Variants in TJP1 observed in about 807,000 individuals in gnomAD.
TJP1 encodes tight junction protein 1.
TJP1 carries 43 observed loss-of-function variants against 194.2 expected under a neutral mutation model. That is an observed-to-expected ratio of 0.22 (90% CI 0.17 to 0.29). The LOEUF (loss-of-function observed/expected upper bound fraction) is 0.29. TJP1 is among the 10% of genes least tolerant of loss of function. The pLI is 1.00. For missense variants in TJP1, 1,971 were observed against 2,185.7 expected (o/e 0.90, Z 1.96); for synonymous variants, 801 against 779.0 (o/e 1.03, Z -0.47).
chr15:29,836,279 T>G (rs2051025805), intron 2 of TJP1, among the ~76,000 whole-genome samples: 1 of 151,918 alleles, frequency 6.6e-6, no homozygotes. Flanking sequence ...ATCAACTTTT[T>G]TTTTTTTTTT....
At chr15:29,948,031 C>A (rs1159611858) in intron 2 of TJP1, among the ~76,000 whole-genome samples, 1 of 152,112 alleles carries the variant, frequency 6.6e-6, no homozygotes, top group Non-Finnish European at 1.5e-5. Context: ...CTTTGGGAGG[C>A]CAAGGTGGGC....
At position 29,766,302 on chromosome 15, in the gene TJP1, T is replaced by A. The variant is rs750085539; in HGVS notation, c.553A>T (p.Thr185Ser). Residue 185 changes from threonine to serine, a missense_variant, in exon 5 of 28, where the codon ACT becomes TCT. Coordinates refer to ENST00000614355, the MANE Select transcript of TJP1 (RefSeq NM_001330239.4). ...SVASSQPAKPTKVTLVKSRKN... is the reference protein window; with the variant it reads ...SVASSQPAKPSKVTLVKSRKN... ...CGGGATTTCACCAGTGTGACTTTAG[T>A]AGGTTTAGCAGGCTGGCTGGAAGCC... 1.2e-6 allele frequency: 2 copies of A among 1,613,988 alleles called. No homozygotes were observed. The highest frequency in any genetic ancestry group is 1.7e-6 in the Non-Finnish European group (2 of 1,179,966).
At chr15:29,703,568 C>T (rs2041694597) in intron 27 of TJP1, among the ~76,000 whole-genome samples, 1 of 152,118 alleles carries the variant, frequency 6.6e-6, no homozygotes, top group African/African-American at 2.4e-5. Context: ...ACAATATCTC[C>T]CACTGCATCC....
chr15:29,748,650 G>T lies in TJP1; in HGVS notation c.1011-5869C>A, dbSNP rs1283495708. ...TGCAGTGGCACAATCATACTTCACT[G>T]CAGCCTCAACCTCCCAGGCTCAAGC... On this transcript the variant is annotated intron_variant, in intron 8 of 27. Coordinates refer to ENST00000614355, the MANE Select transcript of TJP1 (RefSeq NM_001330239.4). Among the ~76,000 whole-genome samples the T allele has an allele frequency of 7.4e-5, 10 of 135,934 alleles. No individual in the cohort carries two copies. In the Admixed American group the frequency reaches 8.5e-4, roughly 12 times the overall value. 89.2% of individuals were successfully genotyped at this position (135,934 alleles called of 152,430 possible).
intron 2 of TJP1, among the ~76,000 whole-genome samples, chr15:29,870,285 G>T (rs1208427842): frequency 6.6e-6 from 1 of 152,116 alleles, no homozygotes; most frequent in Non-Finnish European, 1.5e-5. Context: ...AGACAGGATG[G>T]AATCATAGGT....
intron 2 of TJP1, among the ~76,000 whole-genome samples, chr15:29,860,303 G>T (rs967772423): frequency 6.6e-6 from 1 of 152,102 alleles, no homozygotes; most frequent in African/African-American, 2.4e-5. Context: ...TGGTTCCAGG[G>T]AGCAGAAAGT....
At chr15:29,748,665 C>G (rs1481820382) in intron 8 of TJP1, among the ~76,000 whole-genome samples, 1 of 147,986 alleles carries the variant, frequency 6.8e-6, no homozygotes, top group Non-Finnish European at 1.5e-5. Flanking sequence ...CTCAACCTCC[C>G]AGGCTCAAGC....
intron 18 of TJP1, among the ~76,000 whole-genome samples, chr15:29,721,757 G>A (rs2042942204): frequency 6.6e-6 from 1 of 152,194 alleles, no homozygotes; most frequent in Non-Finnish European, 1.5e-5. Context: ...AATGCTAATA[G>A]TGATATGGAC....
At chr15:29,751,877 A>G (rs1394561753) in intron 8 of TJP1, among the ~76,000 whole-genome samples, 1 of 152,222 alleles carries the variant, frequency 6.6e-6, no homozygotes, top group Admixed American at 6.5e-5. Context: ...AGAAGAAAAC[A>G]AATCTCAGCT....
At chr15:29,903,052 T>C (rs1296585845) in intron 2 of TJP1, among the ~76,000 whole-genome samples, 1 of 151,918 alleles carries the variant, frequency 6.6e-6, no homozygotes, top group East Asian at 1.9e-4. Flanking sequence ...AAGCCCAGCC[T>C]CTATAAACAA....
intron 26 of TJP1, 148 bp from the exon 27 acceptor site, chr15:29,704,453 A>G: frequency 2.4e-6 from 2 of 849,416 alleles, no homozygotes; most frequent in Non-Finnish European, 3.3e-6. Flanking sequence ...AAAACGTAAC[A>G]GCAGCCACAT....
At chr15:29,832,272 T>G (rs2050860784) in intron 2 of TJP1, among the ~76,000 whole-genome samples, 1 of 152,042 alleles carries the variant, frequency 6.6e-6, no homozygotes, top group Non-Finnish European at 1.5e-5. Context: ...GGAGAGGTCA[T>G]GTGGAAAAGA....
intron 2 of TJP1, among the ~76,000 whole-genome samples, chr15:29,794,482 T>C (rs1036753481): frequency 6.6e-6 from 1 of 152,182 alleles, no homozygotes; most frequent in Non-Finnish European, 1.5e-5. Flanking sequence ...CAGACTTGCC[T>C]GAGCCATTAC....
At position 29,822,444 on chromosome 15, in the gene TJP1, C is replaced by G; in HGVS notation, c.-416G>C. The G allele has an allele frequency of 1.0e-6, 1 of 987,086 alleles. No homozygotes were observed. The highest frequency in any genetic ancestry group is 1.2e-6 in the Non-Finnish European group (1 of 831,198). 61.1% of individuals were successfully genotyped at this position (987,086 alleles called of 1,614,324 possible). ...AGGAACGCGGCGTCCGCTGGCTCAG[C>G]CGGCGCCGGCAACTCAGCGGCCACG... is the stretch of plus-strand genomic sequence containing the variant. On this transcript the variant is annotated 5_prime_UTR_variant, in exon 1 of 28. Coordinates refer to ENST00000614355, the MANE Select transcript of TJP1 (RefSeq NM_001330239.4).
intron 18 of TJP1, 90 bp from the exon 19 acceptor site, chr15:29,720,798 T>A: frequency 2.8e-6 from 3 of 1,066,970 alleles, no homozygotes; most frequent in Non-Finnish European, 4.0e-6. Context: ...AAAGGATATC[T>A]TTCTCTGGAG....
chr15:29,916,134 A>G lies in TJP1; in HGVS notation c.306+40098T>C, dbSNP rs527292297. On this transcript the variant is annotated intron_variant, in intron 2 of 28. Transcript: ENST00000356107. ...GTGGCAGGCACCTGTAATCCCAGTTACTCGGGAGGCTGAGGCAGCAAAATC... is the reference window on the plus strand; with the variant it reads ...GTGGCAGGCACCTGTAATCCCAGTTGCTCGGGAGGCTGAGGCAGCAAAATC... Among the ~76,000 whole-genome samples the G allele has an allele frequency of 5.9e-5, 9 of 151,564 alleles. No homozygotes were observed. In the South Asian group the frequency reaches 1.9e-3, roughly 32 times the overall value.
At chr15:29,803,132 T>C (rs542674399) in intron 1 of TJP1, among the ~76,000 whole-genome samples, 1 of 152,186 alleles carries the variant, frequency 6.6e-6, no homozygotes, top group African/African-American at 2.4e-5. Context: ...GTAAAGGGAC[T>C]GTGGGTGACA....
chr15:29,900,887 A>G (rs2053613769), intron 2 of TJP1, among the ~76,000 whole-genome samples: 1 of 152,154 alleles, frequency 6.6e-6, no homozygotes, highest in Non-Finnish European at 1.5e-5. Flanking sequence ...CCTTTATAGT[A>G]CAAGCTTCCC....
At chr15:29,921,991 TGCACCACCCC>T (rs1288352567) in intron 2 of TJP1, among the ~76,000 whole-genome samples, 1 of 151,968 alleles carries the variant, frequency 6.6e-6, no homozygotes, top group East Asian at 1.9e-4. Context: ...ATTACAGGCA[TGCACCACCCC>T]GCCCAGCTAA....
Sources: allele counts gnomAD v4.1 joint callset (sites outside exome capture counted in the v4.1 genomes callset), GRCh38; gene constraint gnomAD v4.1.1; transcripts MANE v1.5; gene names NCBI Gene and HGNC (gene_info 2026-07-23, HGNC 2026-07-21).